ELOVL7: variants seen among roughly 807,000 people sequenced by gnomAD.
The protein encoded by ELOVL7 is ELOVL fatty acid elongase 7.
In ELOVL7, 27 loss-of-function variants were observed where a neutral mutation model predicts 35.7. That is an observed-to-expected ratio of 0.76 (90% CI 0.56 to 1.04). The LOEUF is 1.04. ELOVL7 is among the 50% of genes least tolerant of loss of function. The pLI, the probability that ELOVL7 is intolerant of heterozygous loss-of-function variation, is 0.00. For missense variants in ELOVL7, 327 were observed against 340.8 expected, an observed-to-expected ratio of 0.96 and a Z score of 0.32; for synonymous variants, 113 against 114.6, an observed-to-expected ratio of 0.99 and a Z score of 0.09.
intron 1 of ELOVL7, among the ~76,000 whole-genome samples, chr5:60,808,545 T>C (rs1239982508): frequency 1.3e-5 from 2 of 152,200 alleles, no homozygotes; most frequent in African/African-American, 4.8e-5. Flanking sequence ...AAGATATCAA[T>C]TCTCTTAAAT....
chr5:60,801,323 G>A (rs1744598609), intron 1 of ELOVL7, among the ~76,000 whole-genome samples: 1 of 151,904 alleles, frequency 6.6e-6, no homozygotes, highest in Non-Finnish European at 1.5e-5. Flanking sequence ...CAGCAATTAT[G>A]CAAAAAAGAA....
chr5:60,758,983 T>C (rs533331717), intron 7 of ELOVL7, among the ~76,000 whole-genome samples: 1 of 152,120 alleles, frequency 6.6e-6, no homozygotes, highest in Non-Finnish European at 1.5e-5. Context: ...TAAAGGAAAA[T>C]ACAAATTCAT....
At chr5:60,831,554 G>A (rs539479636) in intron 1 of ELOVL7, among the ~76,000 whole-genome samples, 6 of 152,276 alleles carry the variant, frequency 3.9e-5, no homozygotes, top group Admixed American at 2.0e-4. Context: ...TCTTATTAGC[G>A]TAGCCCTGGA....
intron 3 of ELOVL7, among the ~76,000 whole-genome samples, chr5:60,777,688 G>A (rs1742990552): frequency 1.3e-5 from 2 of 152,130 alleles, no homozygotes; most frequent in South Asian, 4.1e-4. Flanking sequence ...AAGTGCTGAA[G>A]TCAGGATCCT....
chr5:60,795,325 G>A (rs180907043), intron 2 of ELOVL7, among the ~76,000 whole-genome samples: 1 of 152,272 alleles, frequency 6.6e-6, no homozygotes, highest in Non-Finnish European at 1.5e-5. Flanking sequence ...TAAACACGGG[G>A]CTTGTAACTC....
intron 1 of ELOVL7, among the ~76,000 whole-genome samples, chr5:60,837,456 C>CA (rs1300871230): frequency 4.0e-5 from 6 of 150,586 alleles, no homozygotes; most frequent in East Asian, 2.0e-4. Context: ...GACTCCACCT[C>CA]AAAAAAAAGA....
At chr5:60,778,352 A>T (rs1035305015) in intron 3 of ELOVL7, among the ~76,000 whole-genome samples, 1 of 152,224 alleles carries the variant, frequency 6.6e-6, no homozygotes, top group African/African-American at 2.4e-5. Flanking sequence ...CATGAACATC[A>T]TTGTATTAGT....
intron 1 of ELOVL7, among the ~76,000 whole-genome samples, chr5:60,819,854 T>C (rs187983215): frequency 4.6e-5 from 7 of 152,254 alleles, no homozygotes; most frequent in Admixed American, 4.6e-4. Context: ...ATAATTACTA[T>C]TGTAGTAGAC....
At chr5:60,843,758 CG>C (rs1344890968) in intron 1 of ELOVL7, among the ~76,000 whole-genome samples, 3 of 152,100 alleles carry the variant, frequency 2.0e-5, no homozygotes, top group Non-Finnish European at 4.4e-5. Flanking sequence ...CCTCCCGCTC[CG>C]CTCCGCAGGG....
At chr5:60,791,441 T>C (rs1439404664) in intron 2 of ELOVL7, among the ~76,000 whole-genome samples, 1 of 152,188 alleles carries the variant, frequency 6.6e-6, no homozygotes, top group Non-Finnish European at 1.5e-5. Context: ...GTTCACTATA[T>C]GGGTGACAAG....
At chr5:60,769,363 C>G (rs918268912) in intron 4 of ELOVL7, among the ~76,000 whole-genome samples, 1 of 152,138 alleles carries the variant, frequency 6.6e-6, no homozygotes, top group Non-Finnish European at 1.5e-5. Context: ...TCCACCTTAC[C>G]CTACCCCAAA....
intron 4 of ELOVL7, among the ~76,000 whole-genome samples, chr5:60,770,417 T>C (rs1742510375): frequency 6.6e-6 from 1 of 152,208 alleles, no homozygotes; most frequent in African/African-American, 2.4e-5. Flanking sequence ...AATAACTTGC[T>C]AAAATTCAGG....
At chr5:60,834,392 G>A (rs181372632) in intron 1 of ELOVL7, among the ~76,000 whole-genome samples, 287 of 152,276 alleles carry the variant, frequency 1.9e-3, no homozygotes, top group African/African-American at 6.2e-3. Context: ...TGATCCGCCC[G>A]CCTCGGCCTC....
intron 2 of ELOVL7, among the ~76,000 whole-genome samples, chr5:60,794,269 C>T (rs767216365): frequency 1.9e-4 from 29 of 152,334 alleles, no homozygotes; most frequent in Admixed American, 5.2e-4. Flanking sequence ...ATGAGAAATG[C>T]GCCTTCTTCG....
intron 1 of ELOVL7, among the ~76,000 whole-genome samples, chr5:60,842,558 A>G (rs551223971): frequency 6.6e-5 from 10 of 151,920 alleles, no homozygotes; most frequent in Non-Finnish European, 1.3e-4. Context: ...ATAAAGACAC[A>G]TAAGAAGGAA....
At chr5:60,758,869 T>C (rs905660846) in intron 7 of ELOVL7, among the ~76,000 whole-genome samples, 5 of 152,224 alleles carry the variant, frequency 3.3e-5, no homozygotes, top group African/African-American at 1.2e-4. Flanking sequence ...TCTATTTTCT[T>C]AATTCCAGTA....
chr5:60,754,728 TG>T lies in ELOVL7; in HGVS notation c.741del (p.Phe247LeufsTer25). 1 of 1,614,094 alleles carries T rather than the reference TG, an allele frequency of 6.2e-7. No individual in the cohort carries two copies. Among genetic ancestry groups the T allele is most frequent in the South Asian group, 1.1e-5 (1 of 91,074 alleles). ...VFACIIMSYS[F>X]MFLLLFLHFW... is the part of the protein sequence containing the mutation. The stretch of plus-strand genomic sequence containing the variant: ...AAATGGAGAAAGAGCAGCAGAAACA[TG>T]AAACTGTAACTCATAATGATGCACG... On this transcript the variant is annotated frameshift_variant, in exon 9 of 9. Transcript: ENST00000508821. LOFTEE classifies it high-confidence loss of function.
chr5:60,778,174 T>G (rs918891970), intron 3 of ELOVL7, among the ~76,000 whole-genome samples: 33 of 152,310 alleles, frequency 2.2e-4, no homozygotes, highest in African/African-American at 7.7e-4. Context: ...GTCTCGTTGT[T>G]TTGTGCAATT....
At position 60,754,637 on chromosome 5, in the gene ELOVL7, T is replaced by A. The variant is rs138772725; in HGVS notation, c.833A>T (p.Asn278Ile). Reference sequence around the variant, plus strand: ...TTATGTTGGGCTTCAATTATCTTTGTTTTTGCAAGTTCCATTTTTCACAGT... The same window carrying A: ...TTATGTTGGGCTTCAATTATCTTTGATTTTGCAAGTTCCATTTTTCACAGT... ...PKTVKNGTCK[N>I]KDN The change falls in exon 9 of 9, where the codon AAC (asparagine) becomes ATC (isoleucine). Residue 278 changes from asparagine (N) to isoleucine (I), a missense_variant. By Grantham distance (149) the Asn-to-Ile change is moderately radical. Transcript: ENST00000508821. 3 of 1,613,762 alleles carry A rather than the reference T, an allele frequency of 1.9e-6. No individual in the cohort carries two copies. The African/African-American group carries it at 4.0e-5, about 22-fold the overall frequency.
Sources: gnomAD v4.1 joint callset for allele counts (sites outside exome capture counted in the v4.1 genomes callset) on GRCh38, gnomAD v4.1.1 for gene constraint, MANE v1.5 for transcripts, NCBI Gene and HGNC (gene_info 2026-07-23, HGNC 2026-07-21) for gene names.